ALDH1A1: variants seen among roughly 807,000 people sequenced by gnomAD.
The protein encoded by ALDH1A1 is aldehyde dehydrogenase 1A1.
ALDH1A1 carries 19 observed loss-of-function variants against 62.1 expected under a neutral mutation model. The observed-to-expected ratio is 0.31, with a 90% CI of 0.21 to 0.45. The LOEUF (loss-of-function observed/expected upper bound fraction) is 0.45, where lower values mean the gene tolerates loss of function less well. Ranked by LOEUF, ALDH1A1 falls within the 20% of genes least tolerant of loss-of-function variation. ALDH1A1 has a pLI of 1.00. For missense variants in ALDH1A1, 521 were observed against 607.1 expected (o/e 0.86, Z 1.49); for synonymous variants, 231 against 215.9 (o/e 1.07, Z -0.61).
chr9:72,912,415 T>C (rs1830004160), intron 9 of ALDH1A1, among the ~76,000 whole-genome samples: 2 of 152,334 alleles, frequency 1.3e-5, no homozygotes, highest in South Asian at 4.1e-4. Context: ...ACAATCATCA[T>C]TTATTCACTC....
chr9:72,942,262 T>G (rs1417450926), intron 1 of ALDH1A1: 1 of 982,708 alleles, frequency 1.0e-6, no homozygotes, highest in Admixed American at 6.2e-5. Flanking sequence ...ATTTTTCTTC[T>G]CAAGGGATGG....
At chr9:72,923,295 A>G (rs1830164856) in intron 7 of ALDH1A1, among the ~76,000 whole-genome samples, 1 of 152,312 alleles carries the variant, frequency 6.6e-6, no homozygotes, top group South Asian at 2.1e-4. Context: ...CTGTGTACCA[A>G]TGAATAACAT....
intron 11 of ALDH1A1, among the ~76,000 whole-genome samples, chr9:72,908,504 G>GATGAAAGAAAGAAAGAAAGAAAGA (rs1234831079): frequency 3.1e-5 from 1 of 31,760 alleles, no homozygotes; most frequent in African/African-American, 1.2e-4. Flanking sequence ...GAGAGAGAGA[G>GATGAAAGAAAGAAAGAAAGAAAGA]ACGAAAGAAA....
intron 1 of ALDH1A1, among the ~76,000 whole-genome samples, chr9:72,941,140 T>C (rs1478549240): frequency 1.3e-5 from 2 of 152,180 alleles, no homozygotes; most frequent in East Asian, 3.8e-4. Context: ...TATTCTATTT[T>C]GAATCAGAGG....
At position 72,918,775 on chromosome 9, in the gene ALDH1A1, C is replaced by G; in HGVS notation, c.795G>C (p.Arg265Ser). The G allele has an allele frequency of 6.2e-7, 1 of 1,613,888 alleles. No individual in the cohort carries two copies. Among genetic ancestry groups the G allele is most frequent in the Non-Finnish European group, 8.5e-7 (1 of 1,179,934 alleles). Reference protein sequence around the residue: ...KEAAGKSNLKRVTLELGGKSP... With the variant: ...KEAAGKSNLKSVTLELGGKSP... ...TCTTTCCTCCAAGCTCCAGGGTCAC[C>G]CTCTTCAGATTGCTTTTCCCGGCAG... The change falls in exon 8 of 13, where the codon AGG (arginine) becomes AGC (serine). Residue 265 changes from arginine to serine, a missense_variant. Coordinates refer to ENST00000297785, the MANE Select transcript of ALDH1A1 (RefSeq NM_000689.5).
Position 72,922,218 on chromosome 9 carries a change from A to G in ALDH1A1, c.747+1801T>C, listed in dbSNP as rs117606256. ...AGCTCATTTAATTGTATTCTGTACA[A>G]CTCAGTAAATTTGATCTCATCTCCA... On this transcript the variant is annotated intron_variant, in intron 7 of 12. Transcript: ENST00000297785. 1.3e-3 allele frequency among the ~76,000 whole-genome samples: 191 copies of G among 152,248 alleles called. 1 individual carries two copies. Among genetic ancestry groups the G allele is most frequent in the Admixed American group, 1.4e-3 (22 of 15,290 alleles).
chr9:72,901,323 G>T, intron 12 of ALDH1A1, 43 bp from the exon 13 acceptor site: 1 of 1,367,308 alleles, frequency 7.3e-7, no homozygotes, highest in Non-Finnish European at 1.0e-6. Flanking sequence ...ATTTAGCACA[G>T]CAGTATAAAT....
At chr9:72,913,206 C>T (rs978359396) in intron 9 of ALDH1A1, among the ~76,000 whole-genome samples, 5 of 152,240 alleles carry the variant, frequency 3.3e-5, no homozygotes, top group African/African-American at 1.2e-4. Context: ...TACAGCTCAG[C>T]CCCCATATCT....
At chr9:72,934,375 C>A (rs1289591889) in intron 2 of ALDH1A1, among the ~76,000 whole-genome samples, 1 of 152,108 alleles carries the variant, frequency 6.6e-6, no homozygotes, top group Non-Finnish European at 1.5e-5. Context: ...TATCACCAGG[C>A]TAATCTTCTG....
rs992441554 is a variant in ALDH1A1 at position 72,939,611 on chromosome 9, G to C, written c.171+537C>G. Among the ~76,000 whole-genome samples, 13 of 149,926 alleles carry C rather than the reference G, an allele frequency of 8.7e-5. No individual in the cohort carries two copies. The Admixed American group carries it at 8.7e-4, about 10-fold the overall frequency. Reference sequence around the variant, plus strand: ...CGGCTCACTGCAACCTCTGCCTCACGGGCTAAAGCAATTCTCCTGCCTCAG... The same window carrying C: ...CGGCTCACTGCAACCTCTGCCTCACCGGCTAAAGCAATTCTCCTGCCTCAG... On this transcript the variant is annotated intron_variant, in intron 2 of 12. Coordinates refer to ENST00000297785, the MANE Select transcript of ALDH1A1 (RefSeq NM_000689.5).
At chr9:72,944,631 T>C (rs1052959415) in intron 1 of ALDH1A1, among the ~76,000 whole-genome samples, 3 of 152,102 alleles carry the variant, frequency 2.0e-5, no homozygotes, top group African/African-American at 7.2e-5. Context: ...ATAATAATTA[T>C]AAAATTTACA....
intron 1 of ALDH1A1, among the ~76,000 whole-genome samples, chr9:72,941,777 A>G (rs1378883095): frequency 3.9e-5 from 6 of 152,176 alleles, no homozygotes. Flanking sequence ...TTGCCCATTC[A>G]TGCCAATATA....
intron 3 of ALDH1A1, among the ~76,000 whole-genome samples, chr9:72,930,513 A>G (rs1211509322): frequency 1.3e-5 from 2 of 152,300 alleles, no homozygotes; most frequent in East Asian, 1.9e-4. Flanking sequence ...AAAAGAGCTC[A>G]GTGGTCAAAT....
chr9:72,901,303 C>A, intron 12 of ALDH1A1, 23 bp from the exon 13 acceptor site: 1 of 1,526,364 alleles, frequency 6.6e-7, no homozygotes, highest in South Asian at 1.1e-5. Flanking sequence ...AAAACATACC[C>A]ACAAACACCA....
Position 72,908,617 on chromosome 9 carries a change from AAGAAAGAAAG to A in ALDH1A1, c.1358+975_1358+984del, listed in dbSNP as rs1189948564. Reference sequence around the variant, plus strand: ...AAAGAAAGAAAGAAAGAAAGAAAGAAAGAAAGAAAGAGAATATTGCATAGGTCTGATCTAG... The same window carrying A: ...AAAGAAAGAAAGAAAGAAAGAAAGAAAGAATATTGCATAGGTCTGATCTAG... On this transcript the variant is annotated intron_variant, in intron 11 of 12. Transcript: ENST00000297785. 2.2e-3 allele frequency among the ~76,000 whole-genome samples: 255 copies of A among 116,152 alleles called. 3 individuals are homozygous for A. Among genetic ancestry groups the A allele is most frequent in the African/African-American group, 6.9e-3 (218 of 31,774 alleles). 76.2% of individuals were successfully genotyped at this position (116,152 alleles called of 152,430 possible). A position where few individuals can be genotyped will look rare whatever the true frequency, so the allele number is the denominator to read the frequency against.
intron 1 of ALDH1A1, among the ~76,000 whole-genome samples, chr9:72,946,210 G>A (rs940343037): frequency 6.6e-6 from 1 of 152,024 alleles, no homozygotes; most frequent in Non-Finnish European, 1.5e-5. Flanking sequence ...TTGCTCGCAT[G>A]TAAGCCCTCT....
rs1193464113 is a variant in ALDH1A1 at position 72,942,245 on chromosome 9, G to A, written c.67-1993C>T. 5 of 942,422 alleles carry A rather than the reference G, an allele frequency of 5.3e-6. No individual in the cohort carries two copies. In the African/African-American group the frequency reaches 8.9e-5, roughly 17 times the overall value. 58.4% of individuals were successfully genotyped at this position (942,422 alleles called of 1,614,324 possible). On this transcript the variant is annotated intron_variant, in intron 1 of 12. Coordinates refer to ENST00000297785, the MANE Select transcript of ALDH1A1 (RefSeq NM_000689.5). ...GAGTGTTTCCATTTATGCCCTTACAGCTTAGTATTTTTCTTCTCAAGGGAT... is the reference window on the plus strand; with the variant it reads ...GAGTGTTTCCATTTATGCCCTTACAACTTAGTATTTTTCTTCTCAAGGGAT...
At chr9:72,943,620 CAACTTGTGTTTG>C (rs1367069127) in intron 1 of ALDH1A1, among the ~76,000 whole-genome samples, 1 of 152,144 alleles carries the variant, frequency 6.6e-6, no homozygotes, top group Non-Finnish European at 1.5e-5. Context: ...ACTGTGAGCC[CAACTTGTGTTTG>C]AACTTGTGTT....
At chr9:72,907,276 G>C (rs1829888827) in intron 11 of ALDH1A1, among the ~76,000 whole-genome samples, 1 of 152,066 alleles carries the variant, frequency 6.6e-6, no homozygotes, top group Non-Finnish European at 1.5e-5. Context: ...ATACTACTTT[G>C]AAATTATGAG....
Sources: gnomAD v4.1 joint callset for allele counts (sites outside exome capture counted in the v4.1 genomes callset) on GRCh38, gnomAD v4.1.1 for gene constraint, MANE v1.5 for transcripts, NCBI Gene and HGNC (gene_info 2026-07-23, HGNC 2026-07-21) for gene names.